The following TIMM50 variants were observed in gnomAD, a reference collection of about 807,000 sequenced individuals.
The protein encoded by TIMM50 is mitochondrial import inner membrane translocase subunit TIM50.
A neutral mutation model predicts 49.6 loss-of-function variants in TIMM50; 34 were observed. That is an observed-to-expected ratio of 0.69 (90% CI 0.52 to 0.91). TIMM50 has a LOEUF of 0.91. Among genes scored for constraint, TIMM50 ranks in the 40% least tolerant of loss-of-function variants. The pLI is 0.00. For missense variants in TIMM50, 458 were observed against 477.8 expected, an observed-to-expected ratio of 0.96 and a Z score of 0.39; for synonymous variants, 199 against 198.4, an observed-to-expected ratio of 1.00 and a Z score of -0.03.
Position 39,492,886 on chromosome 19 carries a change from A to C in TIMM50, c.*3066A>C, listed in dbSNP as rs1180689416. ...GCTCTGTCTCCAAAAAAAAAAAAAAAAAAAAACAAAAAAAAAACCAGTTTG... is the reference window on the plus strand; with the variant it reads ...GCTCTGTCTCCAAAAAAAAAAAAAACAAAAAACAAAAAAAAAACCAGTTTG... On this transcript the variant is annotated 3_prime_UTR_variant, in exon 11 of 11. Transcript: ENST00000607714. The C allele has an allele frequency of 2.1e-5, 3 of 142,006 alleles. No homozygotes were observed. The highest frequency in any genetic ancestry group is 4.5e-5 in the Non-Finnish European group (3 of 66,978). 8.8% of individuals were successfully genotyped at this position (142,006 alleles called of 1,614,324 possible). A position where few individuals can be genotyped will look rare whatever the true frequency, so the allele number is the denominator to read the frequency against.
At position 39,491,726 on chromosome 19, in the gene TIMM50, G is replaced by C. The variant is rs996422969; in HGVS notation, c.*1906G>C. On this transcript the variant is annotated 3_prime_UTR_variant, in exon 11 of 11. Transcript: ENST00000607714. ...AGTCCCAGCTACGTGAGAGGCTGAG[G>C]TGGGAGGAATCCCTTGAGCCAAGGA... 4.2e-4 allele frequency: 64 copies of C among 151,230 alleles called. No homozygotes were observed. The highest frequency in any genetic ancestry group is 1.6e-3 in the African/African-American group (64 of 41,246). The allele number at this position is 151,230 out of a possible 1,614,324, so 9.4% of individuals were successfully genotyped here. A position where few individuals can be genotyped will look rare whatever the true frequency, so the allele number is the denominator to read the frequency against.
chr19:39,481,169 C>A, intron 1 of TIMM50: 1 of 625,914 alleles, frequency 1.6e-6, no homozygotes, highest in South Asian at 2.2e-5. Context: ...ACCCCACCTC[C>A]CACCCACGTG....
Position 39,486,284 on chromosome 19 carries a change from CTGGCA to C in TIMM50, c.594_597+1del. The C allele has an allele frequency of 1.2e-6, 2 of 1,614,132 alleles. No homozygotes were observed. The highest frequency in any genetic ancestry group is 1.7e-6 in the Non-Finnish European group (2 of 1,180,002). Reference sequence around the variant, plus strand: ...GAAATTGTCATCTTTACGTCAGAGACTGGCATGGTGAGGCTCTGGGGCAGGGGAGG... The same window carrying C: ...GAAATTGTCATCTTTACGTCAGAGACTGGTGAGGCTCTGGGGCAGGGGAGG... On this transcript the variant is annotated frameshift_variant and splice_region_variant, in exon 7 of 11. Transcript: ENST00000607714. LOFTEE classifies it high-confidence loss of function.
Position 39,488,559 on chromosome 19 carries a change from G to C in TIMM50, c.874G>C (p.Glu292Gln). 6.2e-7 allele frequency: 1 copy of C among 1,612,966 alleles called. No homozygotes were observed. The highest frequency in any genetic ancestry group is 8.5e-7 in the Non-Finnish European group (1 of 1,180,008). ...FLKTIALNGV[E>Q]DVRTVLEHYA... The stretch of plus-strand genomic sequence containing the variant: ...CACAGCCATTGCACTGAATGGTGTG[G>C]AGGACGTGCGAACCGTGCTGGAGCA... Residue 292 changes from glutamate (E) to glutamine (Q), a missense_variant, in exon 10 of 11, where the codon GAG (glutamate) becomes CAG (glutamine). Physicochemically the swap from Glu to Gln is conservative, Grantham distance 29. Transcript: ENST00000607714.
intron 1 of TIMM50, 199 bp downstream of exon 1, chr19:39,481,160 C>A: frequency 1.5e-6 from 1 of 667,278 alleles, no homozygotes; most frequent in Non-Finnish European, 2.4e-6. Flanking sequence ...TGTCCTTAGA[C>A]CCCACCTCCC....
intron 4 of TIMM50, among the ~76,000 whole-genome samples, chr19:39,484,230 A>C (rs912997005): frequency 6.6e-6 from 1 of 152,016 alleles, no homozygotes; most frequent in African/African-American, 2.4e-5. Context: ...TAGCCTTGTA[A>C]GTTTACTGTT....
intron 1 of TIMM50, 199 bp downstream of exon 1, chr19:39,481,160 C>T (rs2079468467): frequency 3.0e-6 from 2 of 667,280 alleles, no homozygotes; most frequent in African/African-American, 1.9e-5. Flanking sequence ...TGTCCTTAGA[C>T]CCCACCTCCC....
intron 2 of TIMM50, 124 bp downstream of exon 2, chr19:39,482,157 G>A (rs546294944): frequency 2.5e-4 from 318 of 1,283,688 alleles, no homozygotes; most frequent in Non-Finnish European, 3.3e-4. Context: ...CCTCAATAGG[G>A]CAGCCAAATA....
At chr19:39,483,712 A>G (rs986892462) in intron 4 of TIMM50, among the ~76,000 whole-genome samples, 4 of 152,224 alleles carry the variant, frequency 2.6e-5, no homozygotes, top group African/African-American at 9.6e-5. Context: ...ATGTTAATAC[A>G]TTGATTGTTT....
rs376852848 is a variant in TIMM50 at position 39,487,335 on chromosome 19, T to A, written c.697-726T>A. Among the ~76,000 whole-genome samples, 14 of 152,334 alleles carry A rather than the reference T, an allele frequency of 9.2e-5. 1 individual carries two copies. Among genetic ancestry groups the A allele is most frequent in the African/African-American group, 2.9e-4 (12 of 41,570 alleles). The stretch of plus-strand genomic sequence containing the variant: ...CCCAGGCTGGAGTGCAGTGGTGTGA[T>A]GAACATGGCTCACTGCAGTCTCAAC... On this transcript the variant is annotated intron_variant, in intron 8 of 10. Coordinates refer to ENST00000607714, the MANE Select transcript of TIMM50 (RefSeq NM_001001563.5).
chr19:39,481,102 A>G (rs1285095215), intron 1 of TIMM50, 141 bp downstream of exon 1: 2 of 1,144,280 alleles, frequency 1.7e-6, no homozygotes, highest in Admixed American at 3.1e-5. Context: ...GCCCTTCCCA[A>G]CCTCCTGGGT....
At chr19:39,485,123 ATT>A (rs745311864) in intron 4 of TIMM50, 213 of 156,190 alleles carry the variant, frequency 1.4e-3, no homozygotes, top group South Asian at 3.7e-3. Context: ...CGCCCGGCTA[ATT>A]TTTTTTTTTT....
At chr19:39,482,177 C>T (rs962883141) in intron 2 of TIMM50, 144 bp downstream of exon 2, 24 of 1,017,416 alleles carry the variant, frequency 2.4e-5, no homozygotes, top group South Asian at 3.3e-5. Flanking sequence ...AAGACACCTA[C>T]CTTGAAAACC....
intron 2 of TIMM50, 81 bp downstream of exon 2, chr19:39,482,114 C>CA: frequency 6.5e-7 from 1 of 1,537,006 alleles, no homozygotes; most frequent in Non-Finnish European, 8.9e-7. Flanking sequence ...TTGCCCACTA[C>CA]CAGCTTCTCT....
chr19:39,486,854 C>G (rs1226985024), intron 8 of TIMM50, among the ~76,000 whole-genome samples: 3 of 152,200 alleles, frequency 2.0e-5, no homozygotes, highest in African/African-American at 7.2e-5. Context: ...TTTGTTTGAC[C>G]CGGGCTCTGT....
At position 39,492,867 on chromosome 19, in the gene TIMM50, T is replaced by C. The variant is rs1347644452; in HGVS notation, c.*3047T>C. 6 of 21,020 alleles carry C rather than the reference T, an allele frequency of 2.9e-4. No homozygotes were observed. The highest frequency in any genetic ancestry group is 1.5e-3 in the African/African-American group (6 of 3,880). The allele number at this position is 21,020 out of a possible 1,614,324, so 1.3% of individuals were successfully genotyped here. A position where few individuals can be genotyped will look rare whatever the true frequency, so the allele number is the denominator to read the frequency against. On this transcript the variant is annotated 3_prime_UTR_variant, in exon 11 of 11. Transcript: ENST00000607714. ...GCCTGGGCGACAGAGTAAGGCTCTG[T>C]CTCCAAAAAAAAAAAAAAAAAAAAA...
At chr19:39,488,393 G>A in intron 9 of TIMM50, 146 bp from the exon 10 acceptor site, 1 of 1,074,648 alleles carries the variant, frequency 9.3e-7, no homozygotes, top group Non-Finnish European at 1.4e-6. Flanking sequence ...ACTTGGGGAT[G>A]TTCAGGGGAG....
rs1296490378 is a variant in TIMM50, at chr19:39,491,496, T to A, written c.*1676T>A. ...ATAAAGTTTCTGAGCACTTGAAATG[T>A]GGCTAGTGTGACTGAGAAACTGAAT... On this transcript the variant is annotated 3_prime_UTR_variant, in exon 11 of 11. Coordinates refer to ENST00000607714, the MANE Select transcript of TIMM50 (RefSeq NM_001001563.5). 1 of 151,600 alleles carries A rather than the reference T, an allele frequency of 6.6e-6. No homozygotes were observed. The highest frequency in any genetic ancestry group is 1.5e-5 in the Non-Finnish European group (1 of 67,914). The allele number at this position is 151,600 out of a possible 1,614,324, so 9.4% of individuals were successfully genotyped here. A position where few individuals can be genotyped will look rare whatever the true frequency, so the allele number is the denominator to read the frequency against.
chr19:39,483,302 G>A, intron 4 of TIMM50, 146 bp downstream of exon 4: 3 of 1,070,526 alleles, frequency 2.8e-6, no homozygotes, highest in East Asian at 2.4e-5. Flanking sequence ...GCTTTGTGGG[G>A]AGGGACATTA....
Sources: allele counts gnomAD v4.1 joint callset (sites outside exome capture counted in the v4.1 genomes callset), GRCh38; gene constraint gnomAD v4.1.1; transcripts MANE v1.5; gene names NCBI Gene and HGNC (gene_info 2026-07-23, HGNC 2026-07-21).